The following LOC122539214 variants were observed in gnomAD, a reference collection of about 807,000 sequenced individuals.
At chr19:52,676,175 G>GT in the LOC122539214 span, among the ~76,000 whole-genome samples, 3 of 152,200 alleles carry the variant, frequency 2.0e-5, no homozygotes, top group African/African-American at 7.2e-5. Context: ...TGGAGACGGG[G>GT]TTTCGCTGTG....
At chr19:52,685,152 C>T in the LOC122539214 span, among the ~76,000 whole-genome samples, 3 of 152,306 alleles carry the variant, frequency 2.0e-5, no homozygotes, top group East Asian at 5.8e-4. Flanking sequence ...AAAAGCCACA[C>T]CCAGACACCC....
At chr19:52,650,832 C>T in the LOC122539214 span, 1 of 152,174 alleles carries the variant, frequency 6.6e-6, no homozygotes. Flanking sequence ...AAGGATTCTT[C>T]ACTTCATTAA....
At chr19:52,689,896 C>T in the LOC122539214 span, among the ~76,000 whole-genome samples, 1 of 152,230 alleles carries the variant, frequency 6.6e-6, no homozygotes, top group Admixed American at 6.5e-5. Context: ...CCGGGCACCT[C>T]CCCAACGCGG....
the LOC122539214 span, among the ~76,000 whole-genome samples, chr19:52,677,492 A>T: frequency 6.6e-5 from 10 of 151,614 alleles, no homozygotes; most frequent in Non-Finnish European, 1.5e-4. Flanking sequence ...TCTCAAAAAG[A>T]AAAAAAGAAA....
the LOC122539214 span, chr19:52,674,103 T>C: frequency 1.3e-5 from 2 of 151,796 alleles, no homozygotes; most frequent in African/African-American, 4.8e-5. Context: ...CACAACCCTC[T>C]GATATGGCTC....
chr19:52,685,633 T>A, the LOC122539214 span, among the ~76,000 whole-genome samples: 106,743 of 151,864 alleles, frequency 0.7, 38,978 homozygotes, highest in African/African-American at 0.92. Context: ...ACGGTAGCTC[T>A]TGCCTGTAAT....
the LOC122539214 span, among the ~76,000 whole-genome samples, chr19:52,665,955 T>C: frequency 6.6e-6 from 1 of 151,692 alleles, no homozygotes; most frequent in Non-Finnish European, 1.5e-5. Flanking sequence ...GGTCAGGAGA[T>C]TGAGACCATC....
chr19:52,654,057 T>G, the LOC122539214 span: 1 of 1,591,776 alleles, frequency 6.3e-7, no homozygotes, highest in Non-Finnish European at 8.6e-7. Context: ...ACTTCTCCAC[T>G]TGATTATCAA....
the LOC122539214 span, among the ~76,000 whole-genome samples, chr19:52,690,251 A>G: frequency 6.6e-6 from 1 of 151,776 alleles, no homozygotes; most frequent in Non-Finnish European, 1.5e-5. Flanking sequence ...GCAGAAAGAC[A>G]GGGGATGGGA....
chr19:52,655,860 C>T, the LOC122539214 span, among the ~76,000 whole-genome samples: 1 of 152,138 alleles, frequency 6.6e-6, no homozygotes, highest in Non-Finnish European at 1.5e-5. Flanking sequence ...TGTACTTTCC[C>T]ATGATAGATT....
At chr19:52,651,224 C>T in the LOC122539214 span, 1 of 152,210 alleles carries the variant, frequency 6.6e-6, no homozygotes, top group Non-Finnish European at 1.5e-5. Context: ...CAGTGGTTTA[C>T]AGAAATAGAC....
At chr19:52,689,544 G>C in the LOC122539214 span, among the ~76,000 whole-genome samples, 1 of 152,030 alleles carries the variant, frequency 6.6e-6, no homozygotes, top group African/African-American at 2.4e-5. Flanking sequence ...CCTCTTTGCT[G>C]CCCCTCTCCC....
At chr19:52,681,019 T>C in the LOC122539214 span, among the ~76,000 whole-genome samples, 5 of 151,792 alleles carry the variant, frequency 3.3e-5, no homozygotes, top group African/African-American at 1.2e-4. Flanking sequence ...GTGTGGTGGC[T>C]CATGCCTGTA....
At chr19:52,661,727 A>G in the LOC122539214 span, among the ~76,000 whole-genome samples, 3 of 152,204 alleles carry the variant, frequency 2.0e-5, no homozygotes, top group African/African-American at 4.8e-5. Context: ...ACCAGGATCC[A>G]GTGAACAGCG....
the LOC122539214 span, among the ~76,000 whole-genome samples, chr19:52,676,575 A>C: frequency 2.6e-5 from 4 of 151,056 alleles, no homozygotes; most frequent in African/African-American, 9.7e-5. Flanking sequence ...GGCCGCCCCT[A>C]CTGGGAAGTG....
At chr19:52,650,855 C>G in the LOC122539214 span, 1 of 152,134 alleles carries the variant, frequency 6.6e-6, no homozygotes, top group Non-Finnish European at 1.5e-5. Context: ...CTGTTTACTA[C>G]AGCAGAAGAA....
chr19:52,687,867 A>C, the LOC122539214 span, among the ~76,000 whole-genome samples: 1 of 150,938 alleles, frequency 6.6e-6, no homozygotes, highest in Non-Finnish European at 1.5e-5. Context: ...GTAATAACAG[A>C]AAGTGATTTT....
At chr19:52,687,073 C>G in the LOC122539214 span, among the ~76,000 whole-genome samples, 1 of 150,892 alleles carries the variant, frequency 6.6e-6, no homozygotes, top group East Asian at 2.0e-4. Flanking sequence ...CCCAACTACT[C>G]AGGAGGCTAA....
At chr19:52,680,762 G>C in the LOC122539214 span, among the ~76,000 whole-genome samples, 1 of 143,802 alleles carries the variant, frequency 7.0e-6, no homozygotes, top group Non-Finnish European at 1.5e-5. Flanking sequence ...ACAGGCGCCC[G>C]CCACTACGCC....
Sources: gnomAD v4.1 joint callset for allele counts (sites outside exome capture counted in the v4.1 genomes callset) on GRCh38, gnomAD v4.1.1 for gene constraint, MANE v1.5 for transcripts.